Variants in ERN1 observed in about 807,000 individuals in gnomAD.
ERN1 encodes serine/threonine-protein kinase/endoribonuclease IRE1.
A neutral mutation model predicts 113.1 loss-of-function variants in ERN1; 39 were observed. The observed-to-expected ratio is 0.34, with a 90% CI of 0.27 to 0.45. The LOEUF (loss-of-function observed/expected upper bound fraction) is 0.45, where lower values mean the gene tolerates loss of function less well. Ranked by LOEUF, ERN1 falls within the 20% of genes least tolerant of loss-of-function variation. The pLI is 1.00. For missense variants in ERN1, 976 were observed against 1,274.8 expected (o/e 0.77, Z 3.57); for synonymous variants, 507 against 515.9 (o/e 0.98, Z 0.23).
chr17:64,054,814 C>G lies in ERN1; in HGVS notation c.1687G>C (p.Val563Leu), dbSNP rs369602392. ...AAGGAAATTTTCCCAACTATCACCA[C>G]GCTGGTTTCCTCATCTGGGACAAAA... ...EQDDGDEETS[V>L]VIVGKISFCP... Residue 563 changes from valine to leucine, a missense_variant, in exon 14 of 22, where the codon GTG becomes CTG. Val to Leu is a conservative substitution (Grantham distance 32, BLOSUM62 1). Coordinates refer to ENST00000433197, the MANE Select transcript of ERN1 (RefSeq NM_001433.5). This position sits in a 1 kb window ranked among gnomAD's most constrained non-coding sequence, Gnocchi z 4.9. 2.4e-5 allele frequency: 38 copies of G among 1,608,056 alleles called. No homozygotes were observed. Among genetic ancestry groups the G allele is most frequent in the Middle Eastern group, 3.4e-4 (2 of 5,932 alleles).
chr17:64,067,266 C>T (rs548523518), intron 7 of ERN1, among the ~76,000 whole-genome samples: 1 of 152,100 alleles, frequency 6.6e-6, no homozygotes, highest in Admixed American at 6.5e-5. Flanking sequence ...TCTGGCATTT[C>T]ATAGCAGTCA....
At chr17:64,102,607 A>G (rs1166101305) in intron 1 of ERN1, 3 of 941,150 alleles carry the variant, frequency 3.2e-6, no homozygotes, top group Non-Finnish European at 3.8e-6. Flanking sequence ...TGCTATAGCT[A>G]ACATGAATTA....
rs1177864057 is a variant in ERN1, at chr17:64,095,771, T to G, written c.175+2350A>C. Among the ~76,000 whole-genome samples, 3 of 152,144 alleles carry G rather than the reference T, an allele frequency of 2.0e-5. No homozygotes were observed. In the East Asian group the frequency reaches 5.8e-4, roughly 29 times the overall value. On this transcript the variant is annotated intron_variant, in intron 2 of 21. Transcript: ENST00000433197. The stretch of plus-strand genomic sequence containing the variant: ...ACATCCCCTTGTAATCCTCCCTCCC[T>G]CTACCTGGAAACGCTAAGCTCCTGC...
At chr17:64,121,940 A>G (rs1375931465) in intron 1 of ERN1, among the ~76,000 whole-genome samples, 1 of 152,152 alleles carries the variant, frequency 6.6e-6, no homozygotes, top group African/African-American at 2.4e-5. Context: ...GTAGAAGGCC[A>G]TGATTCTTAA....
In ERN1 at chr17:64,042,753, TATA is replaced by T. The variant is rs1912380195; in HGVS notation, c.*1232_*1234del. On this transcript the variant is annotated 3_prime_UTR_variant, in exon 22 of 22. Coordinates refer to ENST00000433197, the MANE Select transcript of ERN1 (RefSeq NM_001433.5). ...GTTCAATACATTTACATAGTGTTGCTATAATGTTTTACTCTTCAGCATTAGAGA... is the reference window on the plus strand; with the variant it reads ...GTTCAATACATTTACATAGTGTTGCTATGTTTTACTCTTCAGCATTAGAGA... The T allele has an allele frequency of 6.6e-6, 1 of 152,238 alleles. No individual in the cohort carries two copies. Among genetic ancestry groups the T allele is most frequent in the Admixed American group, 6.5e-5 (1 of 15,292 alleles). 9.4% of individuals were successfully genotyped at this position (152,238 alleles called of 1,614,324 possible). A position where few individuals can be genotyped will look rare whatever the true frequency, so the allele number is the denominator to read the frequency against.
chr17:64,114,067 T>C (rs1598088203), intron 1 of ERN1, among the ~76,000 whole-genome samples: 1 of 108,776 alleles, frequency 9.2e-6, no homozygotes, highest in Non-Finnish European at 1.8e-5. Context: ...AGAAGGTAAA[T>C]GCTAAAAAAA....
intron 1 of ERN1, among the ~76,000 whole-genome samples, chr17:64,126,398 C>T (rs930250222): frequency 2.6e-5 from 4 of 152,084 alleles, no homozygotes; most frequent in African/African-American, 4.8e-5. Context: ...ACCTGAAAAA[C>T]GGAGTCCAAA....
intron 17 of ERN1, among the ~76,000 whole-genome samples, chr17:64,050,812 C>T (rs1440602049): frequency 6.6e-6 from 1 of 152,162 alleles, no homozygotes; most frequent in African/African-American, 2.4e-5. Flanking sequence ...GGCGTGCGTG[C>T]GTGTTTTTAT....
chr17:64,072,828 C>T (rs559955811), intron 5 of ERN1, among the ~76,000 whole-genome samples: 1 of 152,270 alleles, frequency 6.6e-6, no homozygotes, highest in African/African-American at 2.4e-5. Context: ...GAGTCTGTAG[C>T]AAGGGCCTCC....
rs1443793982 is a variant in ERN1, at chr17:64,066,806, C to A, written c.707G>T (p.Gly236Val). The A allele has an allele frequency of 6.2e-7, 1 of 1,613,962 alleles. No homozygotes were observed. The highest frequency in any genetic ancestry group is 1.1e-5 in the South Asian group (1 of 91,068). Residue 236 changes from glycine (G) to valine (V), a missense_variant, in exon 8 of 22, where the codon GGT becomes GTT. Around this residue, in one of 5 missense-constraint regions of ERN1, gnomAD observed 459 missense variants for 581.2 expected, o/e 0.79. Transcript: ENST00000433197. ...ATTGATGTGCATCACCTTCCTCAGA[C>A]CCTCCCGCTGCCAGACATAAAAGGC... Reference protein sequence around the residue: ...VVAFYVWQREGLRKVMHINVA... With the variant: ...VVAFYVWQREVLRKVMHINVA...
chr17:64,098,477 A>T (rs1833982659), intron 1 of ERN1: 2 of 705,192 alleles, frequency 2.8e-6, no homozygotes, highest in East Asian at 2.8e-5. Flanking sequence ...CATTACAAGG[A>T]CAAGAATTCT....
At chr17:64,095,625 T>C (rs1356448899) in intron 2 of ERN1, among the ~76,000 whole-genome samples, 1 of 152,080 alleles carries the variant, frequency 6.6e-6, no homozygotes, top group Non-Finnish European at 1.5e-5. Context: ...CACACACAGC[T>C]GCTAGAGTCA....
At chr17:64,050,167 C>A (rs1184905553) in intron 17 of ERN1, among the ~76,000 whole-genome samples, 1 of 152,160 alleles carries the variant, frequency 6.6e-6, no homozygotes, top group Non-Finnish European at 1.5e-5. Flanking sequence ...TTCCAATCTC[C>A]AAACCTACCA....
At chr17:64,070,549 T>C (rs181569468) in intron 6 of ERN1, among the ~76,000 whole-genome samples, 7 of 152,310 alleles carry the variant, frequency 4.6e-5, no homozygotes, top group Admixed American at 2.6e-4. Flanking sequence ...GAATACATGA[T>C]TTCTACAGTC....
intron 8 of ERN1, 30 bp from the exon 9 acceptor site, chr17:64,065,317 G>A: frequency 6.6e-7 from 1 of 1,509,722 alleles, no homozygotes; most frequent in Non-Finnish European, 9.1e-7. Flanking sequence ...ATGCATTCCA[G>A]AGTCATTGAA....
chr17:64,097,972 G>T, intron 2 of ERN1, 149 bp downstream of exon 2: 1 of 1,005,022 alleles, frequency 1.0e-6, no homozygotes, highest in Non-Finnish European at 1.4e-6. Flanking sequence ...CCTTTGAGCA[G>T]AATGCCTTTT....
chr17:64,054,354 G>C lies in ERN1; in HGVS notation c.1849C>G (p.Arg617Gly), dbSNP rs914877046. Residue 617 changes from arginine (R) to glycine (G), a missense_variant, in exon 15 of 22, where the codon CGA (arginine) becomes GGA (glycine). Physicochemically the swap from Arg to Gly is moderately radical, Grantham distance 125. This residue lies in a region of ERN1 where 297 missense variants were observed against 457.8 expected (regional missense o/e 0.65). Transcript: ENST00000433197. This position sits in a 1 kb window ranked among gnomAD's most constrained non-coding sequence, Gnocchi z 4.9. ...SFADREVQLL[R>G]ESDEHPNVIR... ...ACGTTCGGGTGCTCATCCGATTCTC[G>C]CAACAGCTGGACCTCACGGTCTGCG... is the stretch of plus-strand genomic sequence containing the variant. The C allele has an allele frequency of 1.2e-6, 2 of 1,611,714 alleles. No homozygotes were observed. The highest frequency in any genetic ancestry group is 1.7e-6 in the Non-Finnish European group (2 of 1,178,888).
At chr17:64,086,064 A>G (rs1298290486) in intron 2 of ERN1, among the ~76,000 whole-genome samples, 1 of 152,076 alleles carries the variant, frequency 6.6e-6, no homozygotes, top group Non-Finnish European at 1.5e-5. Flanking sequence ...TTTCACACTC[A>G]CATCTAGATC....
chr17:64,072,020 G>C lies in ERN1; in HGVS notation c.439C>G (p.Leu147Val). Residue 147 changes from leucine (L) to valine (V), a missense_variant, in exon 6 of 22, where the codon CTC becomes GTC. Leu to Val is a conservative substitution (Grantham distance 32). Transcript: ENST00000433197. Reference protein sequence around the residue: ...QTLSSAFADSLCPSTSLLYLG... With the variant: ...QTLSSAFADSVCPSTSLLYLG... ...TACAGAAGAGAGGTTGATGGGCAGA[G>C]ACTATCTGCAAAGGCCGATGACAAA... The C allele has an allele frequency of 6.3e-7, 1 of 1,595,200 alleles. No individual in the cohort carries two copies. Among genetic ancestry groups the C allele is most frequent in the South Asian group, 1.1e-5 (1 of 87,868 alleles).
Sources: gnomAD v4.1 joint callset for allele counts (sites outside exome capture counted in the v4.1 genomes callset) on GRCh38, gnomAD v4.1.1 for gene constraint, gnomAD v4.1.1 regional missense constraint, Gnocchi (gnomAD v3.1) non-coding constraint, MANE v1.5 for transcripts, NCBI Gene and HGNC (gene_info 2026-07-23, HGNC 2026-07-21) for gene names.